RERE: variants seen among roughly 807,000 people sequenced by gnomAD.
RERE encodes arginine-glutamic acid dipeptide repeats.
In RERE, 40 loss-of-function variants were observed where a neutral mutation model predicts 146.1. The ratio of observed to expected loss-of-function variants is 0.27; its 90% CI spans 0.21 to 0.36. The LOEUF is 0.36. Among genes scored for constraint, RERE ranks in the 10% least tolerant of loss-of-function variants. The pLI is 1.00. For missense variants in RERE, 1,933 were observed against 2,138.7 expected (o/e 0.90, Z 1.90); for synonymous variants, 1,003 against 866.0 (o/e 1.16, Z -2.78).
At chr1:8,798,432 C>A (rs920193996) in intron 1 of RERE, 1 of 164,698 alleles carries the variant, frequency 6.1e-6, no homozygotes, top group Non-Finnish European at 1.3e-5. Context: ...TAAAAAATTA[C>A]CCAGGCTTTC....
rs1297452655 is a variant in RERE, at chr1:8,601,667, CACACAT to C, written c.522+12888_522+12893del. Among the ~76,000 whole-genome samples the C allele has an allele frequency of 4.6e-3, 610 of 133,962 alleles. 7 individuals carry two copies. The highest frequency in any genetic ancestry group is 0.016 in the African/African-American group (588 of 37,402). The allele number at this position is 133,962 out of a possible 152,430, so 87.9% of individuals were successfully genotyped here. A position where few individuals can be genotyped will look rare whatever the true frequency, so the allele number is the denominator to read the frequency against. On this transcript the variant is annotated intron_variant, in intron 4 of 22. Transcript: ENST00000400908. The stretch of plus-strand genomic sequence containing the variant: ...ACACACACACACACACACACACACA[CACACAT>C]CTTCCTTCCATGATCCTTTGGATTG...
At chr1:8,711,164 A>C (rs1421047795) in intron 1 of RERE, among the ~76,000 whole-genome samples, 2 of 14,356 alleles carry the variant, frequency 1.4e-4, no homozygotes, top group Non-Finnish European at 4.5e-4. Flanking sequence ...CTCCAAAAAA[A>C]AAAAAAAAAA....
At chr1:8,430,476 A>C (rs1255491019) in intron 11 of RERE, among the ~76,000 whole-genome samples, 1 of 152,224 alleles carries the variant, frequency 6.6e-6, no homozygotes, top group Non-Finnish European at 1.5e-5. Flanking sequence ...TAAAATAATC[A>C]TCCCATTTTT....
chr1:8,591,001 A>C (rs1393681977), intron 4 of RERE, among the ~76,000 whole-genome samples: 1 of 152,206 alleles, frequency 6.6e-6, no homozygotes, highest in East Asian at 1.9e-4. Context: ...AGCAACTGAA[A>C]AGTTACTTGG....
At chr1:8,485,963 C>T (rs367641237) in intron 10 of RERE, among the ~76,000 whole-genome samples, 2 of 152,166 alleles carry the variant, frequency 1.3e-5, no homozygotes, top group East Asian at 3.9e-4. Flanking sequence ...CCACACCCGG[C>T]TAATTTTTCT....
At chr1:8,777,118 A>G (rs1213370282) in intron 1 of RERE, among the ~76,000 whole-genome samples, 1 of 152,220 alleles carries the variant, frequency 6.6e-6, no homozygotes, top group East Asian at 1.9e-4. Flanking sequence ...GCCAATAAGC[A>G]CTTCACCTTT....
chr1:8,643,407 A>T (rs988137427), intron 2 of RERE, among the ~76,000 whole-genome samples: 4 of 152,308 alleles, frequency 2.6e-5, no homozygotes, highest in African/African-American at 4.8e-5. Flanking sequence ...ACTGCTTCTT[A>T]TGTAGATATT....
intron 1 of RERE, among the ~76,000 whole-genome samples, chr1:8,811,242 C>A (rs1641801335): frequency 6.6e-6 from 1 of 152,168 alleles, no homozygotes; most frequent in Non-Finnish European, 1.5e-5. Context: ...CTGTATTCAC[C>A]CCACACACAC....
chr1:8,547,070 C>G (rs1437587559), intron 6 of RERE, among the ~76,000 whole-genome samples: 1 of 117,162 alleles, frequency 8.5e-6, no homozygotes, highest in East Asian at 2.6e-4. Flanking sequence ...AGTACAAATA[C>G]CAACAAGCTT....
At position 8,602,674 on chromosome 1, in the gene RERE, C is replaced by T. The variant is rs181240124; in HGVS notation, c.522+11887G>A. 9.9e-4 allele frequency among the ~76,000 whole-genome samples: 150 copies of T among 152,204 alleles called. 1 individual carries two copies. Among genetic ancestry groups the T allele is most frequent in the Middle Eastern group, 6.8e-3 (2 of 292 alleles). ...TGGAGAGACACCCAACAGTCACTTCCGTTTTAAAAAACAAAAACAAAACCA... is the reference window on the plus strand; with the variant it reads ...TGGAGAGACACCCAACAGTCACTTCTGTTTTAAAAAACAAAAACAAAACCA... On this transcript the variant is annotated intron_variant, in intron 4 of 22. Transcript: ENST00000400908.
rs543432993 is a variant in RERE, at chr1:8,782,704, G to A, written c.-145+34456C>T. On this transcript the variant is annotated intron_variant, in intron 1 of 22. Transcript: ENST00000400908. Reference sequence around the variant, plus strand: ...GCAGATCACTTGAGGTCAGGAATTCGAGACCAGCCTGGCCAAAATGGTGAA... The same window carrying A: ...GCAGATCACTTGAGGTCAGGAATTCAAGACCAGCCTGGCCAAAATGGTGAA... 1.9e-3 allele frequency among the ~76,000 whole-genome samples: 283 copies of A among 151,774 alleles called. 1 individual carries two copies. The highest frequency in any genetic ancestry group is 6.6e-3 in the African/African-American group (274 of 41,456).
chr1:8,363,432 C>T (rs886474618), intron 15 of RERE, among the ~76,000 whole-genome samples: 11 of 152,246 alleles, frequency 7.2e-5, no homozygotes, highest in African/African-American at 1.9e-4. Context: ...GAGCGGGGGC[C>T]GGGCTGCCAG....
chr1:8,653,421 G>A (rs949485304), intron 2 of RERE, among the ~76,000 whole-genome samples: 1 of 152,120 alleles, frequency 6.6e-6, no homozygotes, highest in Admixed American at 6.5e-5. Context: ...ATATCTAAAA[G>A]AGTTGGCCAG....
intron 2 of RERE, among the ~76,000 whole-genome samples, chr1:8,640,578 T>C (rs1467474097): frequency 1.3e-5 from 2 of 152,214 alleles, no homozygotes; most frequent in Non-Finnish European, 2.9e-5. Context: ...TGGAGTATCT[T>C]TCATATGTAA....
chr1:8,634,561 T>A (rs1171800166), intron 2 of RERE, among the ~76,000 whole-genome samples: 2 of 152,222 alleles, frequency 1.3e-5, no homozygotes, highest in Non-Finnish European at 2.9e-5. Flanking sequence ...TTTAATTGTT[T>A]GCTTTAGTTT....
rs1321809020 is a variant in RERE at position 8,358,216 on chromosome 1, T to C, written c.4319A>G (p.Gln1440Arg). 6.3e-7 allele frequency: 1 copy of C among 1,595,376 alleles called. No homozygotes were observed. Among genetic ancestry groups the C allele is most frequent in the Non-Finnish European group, 8.6e-7 (1 of 1,164,794 alleles). ...CGCACCTTGGTGGAGGGGGTCCTGC[T>C]GGTGGAGGTGGAGGTGGGAGTGAAT... The part of the protein sequence containing the change: ...SHIHSHLHLH[Q>R]QDPLHQGSAG... The change falls in exon 20 of 23, where the codon CAG becomes CGG. Residue 1440 changes from glutamine (Q) to arginine (R), a missense_variant. Around this residue, in one of 11 missense-constraint regions of RERE, gnomAD observed 4 missense variants for 24.9 expected, o/e 0.16. Coordinates refer to ENST00000400908, the MANE Select transcript of RERE (RefSeq NM_001042681.2).
At chr1:8,682,202 G>T (rs1370386828) in intron 1 of RERE, among the ~76,000 whole-genome samples, 2 of 152,112 alleles carry the variant, frequency 1.3e-5, no homozygotes, top group Admixed American at 6.5e-5. Context: ...AATGGGACTT[G>T]TTCCCTTCTT....
chr1:8,472,525 C>T (rs1394384196), intron 10 of RERE, among the ~76,000 whole-genome samples: 1 of 152,242 alleles, frequency 6.6e-6, no homozygotes, highest in East Asian at 1.9e-4. Context: ...CTTACAGCTT[C>T]ACTTTGTAGC....
At chr1:8,402,630 C>T (rs987619778) in intron 12 of RERE, among the ~76,000 whole-genome samples, 22 of 152,154 alleles carry the variant, frequency 1.4e-4, no homozygotes, top group Non-Finnish European at 2.4e-4. Flanking sequence ...GGGTTCAGTT[C>T]GGTAATATTC....
Sources: allele counts gnomAD v4.1 joint callset (sites outside exome capture counted in the v4.1 genomes callset), GRCh38; gene constraint gnomAD v4.1.1; regional missense constraint gnomAD v4.1.1; transcripts MANE v1.5; gene names NCBI Gene and HGNC (gene_info 2026-07-23, HGNC 2026-07-21).